The following MYO3B variants were observed in gnomAD, a reference collection of about 807,000 sequenced individuals.
The protein encoded by MYO3B is myosin IIIB.
Under a neutral mutation model 174.6 loss-of-function variants are expected in MYO3B, and 156 were observed. That is an observed-to-expected ratio of 0.89 (90% CI 0.78 to 1.02). MYO3B has a LOEUF of 1.02. Ranked by LOEUF, MYO3B falls within the 50% of genes least tolerant of loss-of-function variation. The probability of loss-of-function intolerance (pLI) is 0.00; values close to 1 mark genes in which losing one functional copy is unlikely to be tolerated. For synonymous variants in MYO3B, 563 were observed against 569.1 expected (o/e 0.99, Z 0.15); for missense variants, 1,632 against 1,639.4 (o/e 1.00, Z 0.08).
chr2:170,582,378 G>A (rs1205817744), intron 32 of MYO3B, among the ~76,000 whole-genome samples: 1 of 152,204 alleles, frequency 6.6e-6, no homozygotes, highest in Non-Finnish European at 1.5e-5. Flanking sequence ...AAGCTTTAGG[G>A]AAGCAGCACT....
At chr2:170,432,373 A>C (rs1049983494) in intron 22 of MYO3B, among the ~76,000 whole-genome samples, 1 of 152,040 alleles carries the variant, frequency 6.6e-6, no homozygotes, top group Non-Finnish European at 1.5e-5. Flanking sequence ...TTTTTAATTA[A>C]AAAATTAAAA....
chr2:170,577,370 T>C (rs1305120598), intron 32 of MYO3B, among the ~76,000 whole-genome samples: 1 of 152,220 alleles, frequency 6.6e-6, no homozygotes, highest in Non-Finnish European at 1.5e-5. Flanking sequence ...GGCCTTATTA[T>C]ACATCTGTTA....
intron 1 of MYO3B, among the ~76,000 whole-genome samples, chr2:170,187,879 G>A (rs775104826): frequency 1.1e-4 from 16 of 152,116 alleles, no homozygotes; most frequent in Non-Finnish European, 2.2e-4. Flanking sequence ...GACTAATTTG[G>A]TGGCATAACA....
chr2:170,541,072 G>C (rs897273176), intron 30 of MYO3B, among the ~76,000 whole-genome samples: 1 of 152,156 alleles, frequency 6.6e-6, no homozygotes, highest in Non-Finnish European at 1.5e-5. Flanking sequence ...TGAATGAAGA[G>C]GGAATCAAAC....
chr2:170,461,688 A>G (rs1019451931), intron 23 of MYO3B, among the ~76,000 whole-genome samples: 14 of 151,864 alleles, frequency 9.2e-5, no homozygotes, highest in Non-Finnish European at 1.9e-4. Context: ...AGGCAGGAGA[A>G]TTGCTTGAAT....
intron 32 of MYO3B, among the ~76,000 whole-genome samples, chr2:170,563,230 TA>T (rs1250455254): frequency 6.6e-6 from 1 of 152,156 alleles, no homozygotes; most frequent in Non-Finnish European, 1.5e-5. Context: ...GAGTATTGTT[TA>T]ATAAAGGGAT....
chr2:170,559,959 G>A (rs1006182582), intron 32 of MYO3B, among the ~76,000 whole-genome samples: 4 of 152,108 alleles, frequency 2.6e-5, no homozygotes, highest in African/African-American at 9.7e-5. Context: ...GAAGCTTTGA[G>A]GGGATTCTGG....
In MYO3B at chr2:170,437,758, C is replaced by T. The variant is rs190675524; in HGVS notation, c.2651-6209C>T. ...GGTAGAGAAAAAGATATTTTTCCTC[C>T]CCTGAAGGATCCTTACTGCCCAGTC... On this transcript the variant is annotated intron_variant, in intron 22 of 34. Transcript: ENST00000408978. 9.2e-5 allele frequency among the ~76,000 whole-genome samples: 14 copies of T among 152,136 alleles called. No individual in the cohort carries two copies. The East Asian group carries it at 2.7e-3, about 29-fold the overall frequency.
chr2:170,396,532 C>T (rs1027497525), intron 16 of MYO3B, among the ~76,000 whole-genome samples: 1 of 152,060 alleles, frequency 6.6e-6, no homozygotes, highest in African/African-American at 2.4e-5. Context: ...ATTGGTTACC[C>T]CGCTGTTAGT....
chr2:170,185,798 A>G (rs2092454988), intron 1 of MYO3B, among the ~76,000 whole-genome samples: 1 of 151,964 alleles, frequency 6.6e-6, no homozygotes, highest in African/African-American at 2.4e-5. Context: ...TTCCCTTTTC[A>G]TGTGTGTCCT....
Position 170,529,034 on chromosome 2 carries a change from C to A in MYO3B, c.3575+9494C>A, listed in dbSNP as rs112536765. 8.2e-3 allele frequency among the ~76,000 whole-genome samples: 1,253 copies of A among 152,284 alleles called. 17 individuals are homozygous for A. Among genetic ancestry groups the A allele is most frequent in the Non-Finnish European group, 0.011 (715 of 68,018 alleles). ...AAAACTGAATCATGTACTCAAGATTCCAAAAAATTGCTGTTTAATTTCACC... is the reference window on the plus strand; with the variant it reads ...AAAACTGAATCATGTACTCAAGATTACAAAAAATTGCTGTTTAATTTCACC... On this transcript the variant is annotated intron_variant, in intron 30 of 34. Coordinates refer to ENST00000408978, the MANE Select transcript of MYO3B (RefSeq NM_138995.5).
intron 22 of MYO3B, chr2:170,412,257 A>G (rs2094550835): frequency 6.6e-6 from 1 of 152,280 alleles, no homozygotes; most frequent in South Asian, 2.1e-4. Flanking sequence ...CAGAGTTTCA[A>G]AAAGAACTTG....
chr2:170,178,211 G>A lies in MYO3B; in HGVS notation c.-77G>A. The A allele has an allele frequency of 6.3e-7, 1 of 1,577,736 alleles. No individual in the cohort carries two copies. Among genetic ancestry groups the A allele is most frequent in the Non-Finnish European group, 8.7e-7 (1 of 1,146,790 alleles). On this transcript the variant is annotated 5_prime_UTR_variant, in exon 1 of 35. Transcript: ENST00000408978. Reference sequence around the variant, plus strand: ...AGTCATCAAAGACACCATTTTCTGGGCCTGAAGTGTTCTGCTGGTTTTTGG... The same window carrying A: ...AGTCATCAAAGACACCATTTTCTGGACCTGAAGTGTTCTGCTGGTTTTTGG...
intron 12 of MYO3B, among the ~76,000 whole-genome samples, chr2:170,385,125 G>C (rs1467800992): frequency 1.3e-5 from 2 of 152,102 alleles, no homozygotes; most frequent in Non-Finnish European, 2.9e-5. Context: ...GGGGGAGGAA[G>C]GGGGCATGGC....
At chr2:170,652,935 CATTT>C (rs777048190) in intron 34 of MYO3B, 44 bp from the exon 35 acceptor site, 1 of 1,608,936 alleles carries the variant, frequency 6.2e-7, no homozygotes, top group Admixed American at 1.7e-5. Context: ...ATGATTGTAA[CATTT>C]GTTTTATTTT....
intron 32 of MYO3B, among the ~76,000 whole-genome samples, chr2:170,634,902 AAAACCACAATGAGATAC>A (rs1334178957): frequency 6.0e-4 from 91 of 152,388 alleles, no homozygotes; most frequent in Non-Finnish European, 1.1e-3. Context: ...AATGCAAATC[AAAACCACAATGAGATAC>A]CATCTCACAC....
chr2:170,628,745 C>T (rs531234032), intron 32 of MYO3B, among the ~76,000 whole-genome samples: 47 of 152,248 alleles, frequency 3.1e-4, no homozygotes, highest in Middle Eastern at 3.4e-3. Flanking sequence ...CATCAAAGCC[C>T]CCCTAGAAGT....
intron 3 of MYO3B, among the ~76,000 whole-genome samples, chr2:170,209,551 G>C (rs1219330588): frequency 6.6e-6 from 1 of 152,126 alleles, no homozygotes; most frequent in African/African-American, 2.4e-5. Context: ...TCAGAAACCT[G>C]TATTTGAGAG....
At chr2:170,476,088 C>T (rs941416081) in intron 25 of MYO3B, among the ~76,000 whole-genome samples, 3 of 152,084 alleles carry the variant, frequency 2.0e-5, no homozygotes, top group Non-Finnish European at 4.4e-5. Context: ...CCCCACAGGA[C>T]ATGCGACAAG....
Sources: allele counts gnomAD v4.1 joint callset (sites outside exome capture counted in the v4.1 genomes callset), GRCh38; gene constraint gnomAD v4.1.1; transcripts MANE v1.5; gene names NCBI Gene and HGNC (gene_info 2026-07-23, HGNC 2026-07-21).